The following COQ6 variants were observed in gnomAD, a reference collection of about 807,000 sequenced individuals.
The protein encoded by COQ6 is coenzyme Q6, monooxygenase.
Under a neutral mutation model 55.5 loss-of-function variants are expected in COQ6, and 45 were observed. The ratio of observed to expected loss-of-function variants is 0.81; its 90% CI spans 0.64 to 1.04. COQ6 has a LOEUF of 1.04. Among genes scored for constraint, COQ6 ranks in the 50% least tolerant of loss-of-function variants. The pLI is 0.00. For synonymous variants in COQ6, 206 were observed against 230.5 expected, an observed-to-expected ratio of 0.89 and a Z score of 0.96; for missense variants, 550 against 601.3, an observed-to-expected ratio of 0.91 and a Z score of 0.89.
chr14:73,952,345 A>G (rs1251403309), intron 1 of COQ6, among the ~76,000 whole-genome samples: 1 of 149,700 alleles, frequency 6.7e-6, no homozygotes, highest in Non-Finnish European at 1.5e-5. Context: ...CTGGTCTTGA[A>G]CTCCTGAGCT....
intron 4 of COQ6, chr14:73,956,326 T>TAA: frequency 4.9e-5 from 5 of 101,982 alleles, no homozygotes; most frequent in Admixed American, 1.1e-4. Context: ...AGACTCCGTC[T>TAA]CAAAAAAAAA....
intron 1 of COQ6, 47 bp from the exon 2 acceptor site, chr14:73,953,388 G>A: frequency 6.5e-7 from 1 of 1,530,430 alleles, no homozygotes; most frequent in Non-Finnish European, 9.0e-7. Flanking sequence ...TAATGGGAAA[G>A]GAAATTCTTG....
At chr14:73,961,087 G>A (rs1306025920) in intron 8 of COQ6, 86 bp from the exon 9 acceptor site, 9 of 1,460,940 alleles carry the variant, frequency 6.2e-6, no homozygotes, top group Non-Finnish European at 8.4e-6. Flanking sequence ...CCTAAGCTTT[G>A]GTTACAAACA....
intron 5 of COQ6, chr14:73,958,751 C>T (rs747169487): frequency 2.6e-5 from 37 of 1,447,356 alleles, no homozygotes; most frequent in Non-Finnish European, 3.2e-5. Flanking sequence ...TAACTCATGG[C>T]TGGCACCTGT....
rs140725181 is a variant in COQ6, at chr14:73,955,883, G to T, written c.436G>T (p.Asp146Tyr). ...LDDMGYIVEN[D>Y]VIMHALTKQL... Reference sequence around the variant, plus strand: ...TGACATGGGCTATATCGTGGAGAATGATGTCATCATGCATGCTCTCACTAA... The same window carrying T: ...TGACATGGGCTATATCGTGGAGAATTATGTCATCATGCATGCTCTCACTAA... Residue 146 changes from aspartate (D) to tyrosine (Y), a missense_variant, in exon 4 of 12, where the codon GAT becomes TAT. By Grantham distance (160) the Asp-to-Tyr change is radical. Coordinates refer to ENST00000334571, the MANE Select transcript of COQ6 (RefSeq NM_182476.3). 4.0e-5 allele frequency: 65 copies of T among 1,614,042 alleles called. No individual in the cohort carries two copies. In the Admixed American group the frequency reaches 4.7e-4, roughly 12 times the overall value.
chr14:73,957,132 C>T (rs982998622), intron 4 of COQ6, among the ~76,000 whole-genome samples: 2 of 150,576 alleles, frequency 1.3e-5, no homozygotes, highest in Non-Finnish European at 2.9e-5. Flanking sequence ...GAGTCTCGCT[C>T]TGTCGCCCAG....
Position 73,961,736 on chromosome 14 carries a change from G to A in COQ6, c.1211-1G>A, listed in dbSNP as rs1566693738. 3 of 1,614,152 alleles carry A rather than the reference G, an allele frequency of 1.9e-6. No individual in the cohort carries two copies. The highest frequency in any genetic ancestry group is 1.7e-6 in the Non-Finnish European group (2 of 1,180,000). Reference sequence around the variant, plus strand: ...GATTTAATCTTTCCTCTGCCCTTCAGGTTCCGTGAGCCACCTCACAGGTTA... The same window carrying A: ...GATTTAATCTTTCCTCTGCCCTTCAAGTTCCGTGAGCCACCTCACAGGTTA... On this transcript the variant is annotated splice_acceptor_variant, in intron 10 of 11. Transcript: ENST00000334571. LOFTEE classifies it high-confidence loss of function.
Position 73,959,159 on chromosome 14 carries a change from C to G in COQ6, c.721-3C>G. ...AGAGAAACTTTTCTCCTCTCTGTTG[C>G]AGGCCACAGAAAACAACGTAGCCTG... is the stretch of plus-strand genomic sequence containing the variant. On this transcript the variant is annotated splice_region_variant and splice_polypyrimidine_tract_variant and intron_variant, in intron 6 of 11. Coordinates refer to ENST00000334571, the MANE Select transcript of COQ6 (RefSeq NM_182476.3). 6.2e-7 allele frequency: 1 copy of G among 1,614,226 alleles called. No homozygotes were observed. Among genetic ancestry groups the G allele is most frequent in the African/African-American group, 1.3e-5 (1 of 75,058 alleles).
intron 1 of COQ6, among the ~76,000 whole-genome samples, chr14:73,951,285 C>T (rs1222691118): frequency 6.6e-6 from 1 of 152,134 alleles, no homozygotes; most frequent in Non-Finnish European, 1.5e-5. Context: ...CATAAGCAAC[C>T]CTGCCTGGCC....
intron 1 of COQ6, among the ~76,000 whole-genome samples, chr14:73,952,571 C>T (rs1186192652): frequency 4.6e-5 from 7 of 151,966 alleles, no homozygotes; most frequent in Non-Finnish European, 8.8e-5. Flanking sequence ...CAGGGTCTCG[C>T]CATGTTGCCC....
chr14:73,959,621 G>T, intron 8 of COQ6, 99 bp downstream of exon 8: 1 of 1,580,876 alleles, frequency 6.3e-7, no homozygotes, highest in Non-Finnish European at 8.6e-7. Flanking sequence ...AGGCTGGAGC[G>T]CAGTGGCGCG....
At chr14:73,958,744 C>T in intron 5 of COQ6, 2 of 1,437,558 alleles carry the variant, frequency 1.4e-6, no homozygotes, top group Non-Finnish European at 9.1e-7. Context: ...CTGAGTTTAA[C>T]TCATGGCTGG....
chr14:73,958,695 T>G (rs1483923984), intron 5 of COQ6: 6 of 1,355,746 alleles, frequency 4.4e-6, no homozygotes, highest in Non-Finnish European at 5.7e-6. Flanking sequence ...ACTGAAACTT[T>G]CCTTATTGCT....
At chr14:73,958,311 G>C (rs748157612) in intron 5 of COQ6, 34 bp downstream of exon 5, 3 of 1,612,974 alleles carry the variant, frequency 1.9e-6, no homozygotes, top group Admixed American at 1.7e-5. Context: ...TAGGGGTCTT[G>C]TATATCTACA....
chr14:73,956,705 A>G (rs2056453594), intron 4 of COQ6: 1 of 152,020 alleles, frequency 6.6e-6, no homozygotes, highest in Non-Finnish European at 1.5e-5. Flanking sequence ...TTTAAATTGG[A>G]TTATTTGTTT....
intron 4 of COQ6, 79 bp downstream of exon 4, chr14:73,956,007 C>T: frequency 6.3e-7 from 1 of 1,589,122 alleles, no homozygotes; most frequent in Non-Finnish European, 8.6e-7. Flanking sequence ...ATCTCTTTTA[C>T]AATATTCAGT....
intron 1 of COQ6, among the ~76,000 whole-genome samples, chr14:73,952,334 G>C (rs1047157469): frequency 2.6e-5 from 4 of 151,770 alleles, no homozygotes; most frequent in African/African-American, 9.7e-5. Context: ...TGTTGCCCAC[G>C]CTGGTCTTGA....
intron 4 of COQ6, among the ~76,000 whole-genome samples, chr14:73,957,094 TA>T (rs1419486141): frequency 7.7e-6 from 1 of 129,430 alleles, no homozygotes; most frequent in African/African-American, 2.6e-5. Context: ...TTATTATTAT[TA>T]TTATTATTTT....
intron 8 of COQ6, chr14:73,960,869 A>G (rs2140415342): frequency 4.3e-6 from 2 of 466,308 alleles, no homozygotes; most frequent in East Asian, 8.9e-5. Flanking sequence ...TGGAGGTAGA[A>G]GGATACTGTG....
Sources: gnomAD v4.1 joint callset for allele counts (sites outside exome capture counted in the v4.1 genomes callset) on GRCh38, gnomAD v4.1.1 for gene constraint, MANE v1.5 for transcripts, NCBI Gene and HGNC (gene_info 2026-07-23, HGNC 2026-07-21) for gene names.